The following TBC1D32 variants were observed in gnomAD, a reference collection of about 807,000 sequenced individuals.
TBC1D32 encodes the protein protein broad-minded.
TBC1D32 carries 151 observed loss-of-function variants against 170.3 expected under a neutral mutation model. That is an observed-to-expected ratio of 0.89 (90% CI 0.78 to 1.01). TBC1D32 has a LOEUF of 1.01. Ranked by LOEUF, TBC1D32 falls within the 50% of genes least tolerant of loss-of-function variation. The pLI is 0.00. For synonymous variants in TBC1D32, 498 were observed against 488.0 expected (o/e 1.02, Z -0.27); for missense variants, 1,464 against 1,457.1 (o/e 1.00, Z -0.08).
intron 17 of TBC1D32, among the ~76,000 whole-genome samples, chr6:121,245,115 A>G (rs963564948): frequency 1.3e-5 from 2 of 152,222 alleles, no homozygotes; most frequent in African/African-American, 4.8e-5. Flanking sequence ...CTGGCTACCC[A>G]GAAGTCCTGA....
rs780991327 is a variant in TBC1D32, at chr6:121,126,445, A to C, written c.2916T>G (p.Leu972=). 14 of 1,611,882 alleles carry C rather than the reference A, an allele frequency of 8.7e-6. No homozygotes were observed. The highest frequency in any genetic ancestry group is 1.2e-5 in the Non-Finnish European group (14 of 1,178,700). The change falls in exon 26 of 32, where the codon CTT becomes CTG. Residue 972 remains leucine (L), a synonymous_variant. Transcript: ENST00000398212. ...IISGEALIEL[L]EKFVLHLTES... ...CAGTGAGATGAAGCACAAATTTTTC[A>C]AGTAATTCTATTAAGGCTGTAATAA... is the stretch of plus-strand genomic sequence containing the variant.
intron 21 of TBC1D32, among the ~76,000 whole-genome samples, chr6:121,213,613 G>A (rs1746837694): frequency 1.3e-5 from 2 of 151,450 alleles, no homozygotes; most frequent in African/African-American, 2.4e-5. Flanking sequence ...ACTCTACAAT[G>A]AGAATTACAA....
chr6:121,252,271 C>A (rs1446795940), intron 17 of TBC1D32, among the ~76,000 whole-genome samples: 1 of 152,172 alleles, frequency 6.6e-6, no homozygotes, highest in African/African-American at 2.4e-5. Context: ...GACACATGCA[C>A]ACATATGTTT....
At chr6:121,156,969 G>T (rs548396272) in intron 24 of TBC1D32, among the ~76,000 whole-genome samples, 5 of 152,116 alleles carry the variant, frequency 3.3e-5, no homozygotes, top group African/African-American at 1.2e-4. Flanking sequence ...TAGAAGACAA[G>T]AATGTATATT....
In TBC1D32 at chr6:121,310,840, T is replaced by C. The variant is rs757184606; in HGVS notation, c.503A>G (p.Lys168Arg). ...CAATTGTAATTTTCCTTGACAAAAT[T>C]TGTAACTCTGTAACACAATTGTCAG... ...DSDSSLNQSY[K>R]FCQGKLQLIL... Residue 168 changes from lysine (K) to arginine (R), a missense_variant, in exon 4 of 32, where the codon AAA becomes AGA. By Grantham distance (26) the Lys-to-Arg change is conservative. Coordinates refer to ENST00000398212, the MANE Select transcript of TBC1D32 (RefSeq NM_152730.6). 29 of 1,579,664 alleles carry C rather than the reference T, an allele frequency of 1.8e-5. No homozygotes were observed. In the South Asian group the frequency reaches 3.1e-4, roughly 17 times the overall value.
intron 22 of TBC1D32, 130 bp downstream of exon 22, chr6:121,204,945 A>G (rs771806998): frequency 1.8e-5 from 9 of 507,630 alleles, no homozygotes; most frequent in Non-Finnish European, 2.7e-5. Context: ...TGTTACAGGA[A>G]GACAAATTAC....
At chr6:121,257,733 T>C (rs571891234) in intron 15 of TBC1D32, among the ~76,000 whole-genome samples, 2 of 152,318 alleles carry the variant, frequency 1.3e-5, no homozygotes, top group African/African-American at 4.8e-5. Context: ...TTTTTTTTTA[T>C]ATACTTTATG....
rs1008175714 is a variant in TBC1D32 at position 121,160,888 on chromosome 6, C to T, written c.2679+60G>A. On this transcript the variant is annotated intron_variant, in intron 23 of 31. Coordinates refer to ENST00000398212, the MANE Select transcript of TBC1D32 (RefSeq NM_152730.6). ...AAAGTTTAGGGTGACTTTGAGTTGG[C>T]TATCTTGCTTCAAAATATGTCAGAA... 29 of 1,329,858 alleles carry T rather than the reference C, an allele frequency of 2.2e-5. No individual in the cohort carries two copies. The East Asian group carries it at 6.2e-4, about 29-fold the overall frequency. The allele number at this position is 1,329,858 out of a possible 1,614,324, so 82.4% of individuals were successfully genotyped here.
intron 24 of TBC1D32, among the ~76,000 whole-genome samples, chr6:121,155,155 T>C (rs1784720451): frequency 6.6e-6 from 1 of 152,164 alleles, no homozygotes; most frequent in Non-Finnish European, 1.5e-5. Context: ...TTCCATTTAT[T>C]CATGTCATCT....
At chr6:121,161,551 A>G (rs1472049012) in intron 22 of TBC1D32, among the ~76,000 whole-genome samples, 1 of 152,204 alleles carries the variant, frequency 6.6e-6, no homozygotes, top group African/African-American at 2.4e-5. Flanking sequence ...GCTGCATAGT[A>G]TTACATGCTG....
intron 15 of TBC1D32, among the ~76,000 whole-genome samples, chr6:121,267,652 G>A (rs992949957): frequency 2.0e-5 from 3 of 152,158 alleles, no homozygotes; most frequent in African/African-American, 7.2e-5. Flanking sequence ...AGCTCAAGGA[G>A]GCCTGCCTGC....
At chr6:121,155,971 A>T (rs1209354091) in intron 24 of TBC1D32, among the ~76,000 whole-genome samples, 1 of 152,002 alleles carries the variant, frequency 6.6e-6, no homozygotes, top group Non-Finnish European at 1.5e-5. Context: ...TTTGGCCTAA[A>T]GTTTCTTTTT....
intron 17 of TBC1D32, among the ~76,000 whole-genome samples, chr6:121,253,992 C>T (rs759659808): frequency 1.1e-4 from 17 of 151,934 alleles, no homozygotes; most frequent in Non-Finnish European, 2.1e-4. Flanking sequence ...AATCTAAGTG[C>T]CCATCAACCA....
chr6:121,141,476 T>C (rs1335039123), intron 24 of TBC1D32, among the ~76,000 whole-genome samples: 1 of 152,000 alleles, frequency 6.6e-6, no homozygotes, highest in Non-Finnish European at 1.5e-5. Context: ...AATAACTCAA[T>C]TAAAAATGGG....
At chr6:121,170,392 C>A in intron 22 of TBC1D32, 1 of 1,592,028 alleles carries the variant, frequency 6.3e-7, no homozygotes, top group South Asian at 1.2e-5. Flanking sequence ...CTGTTTTAAT[C>A]ACCCATTTTT....
Position 121,310,860 on chromosome 6 carries a change from T to C in TBC1D32, c.496-13A>G. ...AAAATTTGTAACTCTGTAACACAAT[T>C]GTCAGGACATTCATTTATTTAGAAG... On this transcript the variant is annotated splice_polypyrimidine_tract_variant and intron_variant, in intron 3 of 31. Transcript: ENST00000398212. 1 of 1,450,804 alleles carries C rather than the reference T, an allele frequency of 6.9e-7. No individual in the cohort carries two copies. The highest frequency in any genetic ancestry group is 9.6e-7 in the Non-Finnish European group (1 of 1,036,538). The allele number at this position is 1,450,804 out of a possible 1,614,324, so 89.9% of individuals were successfully genotyped here. A position where few individuals can be genotyped will look rare whatever the true frequency, so the allele number is the denominator to read the frequency against.
chr6:121,235,439 T>C (rs989020053), intron 20 of TBC1D32, among the ~76,000 whole-genome samples: 3 of 152,094 alleles, frequency 2.0e-5, no homozygotes, highest in Non-Finnish European at 4.4e-5. Flanking sequence ...CTGTGGGGGA[T>C]GGGTGAGTGG....
At chr6:121,085,322 TATATATATACATAC>T (rs1347713163) in intron 31 of TBC1D32, among the ~76,000 whole-genome samples, 5,788 of 100,618 alleles carry the variant, frequency 0.058, 339 homozygotes, top group African/African-American at 0.24. Context: ...TATATACACA[TATATATATACATAC>T]ATATATATAC....
chr6:121,157,562 G>A (rs973572894), intron 24 of TBC1D32, among the ~76,000 whole-genome samples: 1 of 152,118 alleles, frequency 6.6e-6, no homozygotes. Flanking sequence ...GCAGTTGGTT[G>A]TTTTATAGAC....
Sources: allele counts gnomAD v4.1 joint callset (sites outside exome capture counted in the v4.1 genomes callset), GRCh38; gene constraint gnomAD v4.1.1; transcripts MANE v1.5; gene names NCBI Gene and HGNC (gene_info 2026-07-23, HGNC 2026-07-21).